The following RAP1A variants were observed in gnomAD, a reference collection of about 807,000 sequenced individuals.
RAP1A encodes RAP1A, member of RAS oncogene family, also known as ras-related protein Rap-1A.
RAP1A carries 6 observed loss-of-function variants against 26.4 expected under a neutral mutation model. That is an observed-to-expected ratio of 0.23 (90% CI 0.12 to 0.45). The LOEUF (loss-of-function observed/expected upper bound fraction) is 0.45, where lower values mean the gene tolerates loss of function less well. Among genes scored for constraint, RAP1A ranks in the 20% least tolerant of loss-of-function variants. The probability of loss-of-function intolerance (pLI) is 0.99; values close to 1 mark genes in which losing one functional copy is unlikely to be tolerated. For synonymous variants in RAP1A, 73 were observed against 79.4 expected (o/e 0.92, Z 0.43); for missense variants, 121 against 217.2 (o/e 0.56, Z 2.78).
At chr1:111,556,917 A>G (rs2789529) in intron 1 of RAP1A, among the ~76,000 whole-genome samples, 2,570 of 148,770 alleles carry the variant, frequency 0.017, 70 homozygotes, top group African/African-American at 0.059. Flanking sequence ...ATATGTATGT[A>G]CATATATATT....
At chr1:111,692,034 G>A (rs963240287) in intron 2 of RAP1A, among the ~76,000 whole-genome samples, 19 of 152,176 alleles carry the variant, frequency 1.2e-4, no homozygotes, top group African/African-American at 4.6e-4. Flanking sequence ...AGACAAATTG[G>A]GAGTTAATAC....
intron 1 of RAP1A, among the ~76,000 whole-genome samples, chr1:111,570,220 C>T (rs924708043): frequency 6.6e-6 from 1 of 152,036 alleles, no homozygotes; most frequent in Non-Finnish European, 1.5e-5. Context: ...TCAGAGGCCA[C>T]GTAAGAGGCA....
intron 1 of RAP1A, among the ~76,000 whole-genome samples, chr1:111,578,857 A>G (rs1475542461): frequency 6.6e-6 from 1 of 152,232 alleles, no homozygotes; most frequent in East Asian, 1.9e-4. Context: ...CCAACCGGCT[A>G]TAAACTGAGA....
intron 1 of RAP1A, among the ~76,000 whole-genome samples, chr1:111,594,733 G>C (rs1048263890): frequency 6.6e-6 from 1 of 152,030 alleles, no homozygotes; most frequent in Non-Finnish European, 1.5e-5. Flanking sequence ...GCTCACCTGA[G>C]CCCACTGATG....
chr1:111,586,482 C>T (rs549347524), intron 1 of RAP1A, among the ~76,000 whole-genome samples: 5 of 152,180 alleles, frequency 3.3e-5, no homozygotes, highest in Non-Finnish European at 7.3e-5. Flanking sequence ...ACTCAGGAGG[C>T]TGAGGTGGGA....
At chr1:111,665,045 A>G (rs772839849) in intron 1 of RAP1A, among the ~76,000 whole-genome samples, 18 of 152,206 alleles carry the variant, frequency 1.2e-4, no homozygotes, top group Non-Finnish European at 1.9e-4. Flanking sequence ...ATGTTTCTTT[A>G]TAGTGGGGGT....
intron 1 of RAP1A, among the ~76,000 whole-genome samples, chr1:111,657,999 T>A (rs1660517315): frequency 6.6e-6 from 1 of 152,182 alleles, no homozygotes. Flanking sequence ...TGATTTAAAT[T>A]TATTCAAATT....
chr1:111,698,726 C>A (rs767264522), intron 4 of RAP1A, among the ~76,000 whole-genome samples: 3 of 151,998 alleles, frequency 2.0e-5, no homozygotes, highest in Non-Finnish European at 4.4e-5. Context: ...CTGTATTTTT[C>A]CATTCTTTTT....
intron 1 of RAP1A, among the ~76,000 whole-genome samples, chr1:111,632,282 C>G (rs959368135): frequency 6.6e-6 from 1 of 150,648 alleles, no homozygotes; most frequent in African/African-American, 2.4e-5. Flanking sequence ...TATGAAATCT[C>G]TAAACCCTGT....
chr1:111,671,129 A>G (rs2101182348), intron 1 of RAP1A, among the ~76,000 whole-genome samples: 1 of 152,316 alleles, frequency 6.6e-6, no homozygotes, highest in Non-Finnish European at 1.5e-5. Flanking sequence ...CGTAAACCTG[A>G]GAAATTGTGG....
At position 111,542,298 on chromosome 1, in the gene RAP1A, G is replaced by C. The variant is rs979215437; in HGVS notation, c.-239G>C. The stretch of plus-strand genomic sequence containing the variant: ...ATCAGACCTGCCGGTTCGAACACAC[G>C]CGACAAGAGCAAAGAAGTTAAAAGA... On this transcript the variant is annotated 5_prime_UTR_variant, in exon 1 of 8. Transcript: ENST00000356415. 7 of 536,302 alleles carry C rather than the reference G, an allele frequency of 1.3e-5. No individual in the cohort carries two copies. In the East Asian group the frequency reaches 1.4e-4, roughly 11 times the overall value. The allele number at this position is 536,302 out of a possible 1,614,324, so 33.2% of individuals were successfully genotyped here. A position where few individuals can be genotyped will look rare whatever the true frequency, so the allele number is the denominator to read the frequency against.
At chr1:111,612,015 T>G (rs1332833901) in intron 1 of RAP1A, among the ~76,000 whole-genome samples, 3 of 32,024 alleles carry the variant, frequency 9.4e-5, no homozygotes, top group Non-Finnish European at 1.6e-4. Flanking sequence ...GTGCTTGAGT[T>G]TTTTTTTTTT....
chr1:111,667,060 G>A (rs1463856300), intron 1 of RAP1A, among the ~76,000 whole-genome samples: 1 of 152,128 alleles, frequency 6.6e-6, no homozygotes, highest in African/African-American at 2.4e-5. Flanking sequence ...AGATCATTCT[G>A]GCTGCAATGT....
chr1:111,625,931 C>T (rs1659385359), intron 1 of RAP1A, among the ~76,000 whole-genome samples: 1 of 152,134 alleles, frequency 6.6e-6, no homozygotes, highest in Non-Finnish European at 1.5e-5. Context: ...CGTGTGCCAC[C>T]ACAGTTAATT....
At chr1:111,655,728 C>T (rs569611049) in intron 1 of RAP1A, among the ~76,000 whole-genome samples, 49 of 132,890 alleles carry the variant, frequency 3.7e-4, no homozygotes, top group Non-Finnish European at 6.3e-4. Context: ...AGTGCAGTGG[C>T]GCAATCTCAC....
chr1:111,604,670 T>C (rs1396162324), intron 1 of RAP1A: 1 of 152,240 alleles, frequency 6.6e-6, no homozygotes, highest in Non-Finnish European at 1.5e-5. Flanking sequence ...TTTTCCTTGT[T>C]CTTCCTTTTG....
chr1:111,649,317 G>T (rs1179173341), intron 1 of RAP1A: 1 of 427,906 alleles, frequency 2.3e-6, no homozygotes, highest in Non-Finnish European at 4.5e-6. Context: ...AGGCATTGAG[G>T]CGTTGCATGG....
At chr1:111,644,124 T>C (rs1440895852) in intron 1 of RAP1A, among the ~76,000 whole-genome samples, 1 of 152,226 alleles carries the variant, frequency 6.6e-6, no homozygotes, top group Non-Finnish European at 1.5e-5. Flanking sequence ...TCCATCTGTT[T>C]GAATAACTGG....
intron 1 of RAP1A, among the ~76,000 whole-genome samples, chr1:111,632,744 C>T (rs1486707258): frequency 1.3e-5 from 2 of 151,306 alleles, no homozygotes; most frequent in African/African-American, 4.9e-5. Context: ...GAAACCCCGT[C>T]TTCACTAAAA....
Sources: allele counts gnomAD v4.1 joint callset (sites outside exome capture counted in the v4.1 genomes callset), GRCh38; gene constraint gnomAD v4.1.1; transcripts MANE v1.5; gene names NCBI Gene and HGNC (gene_info 2026-07-23, HGNC 2026-07-21).